The following CHMP6 variants were observed in gnomAD, a reference collection of about 807,000 sequenced individuals.
CHMP6 encodes chromatin-modifying protein 6.
CHMP6 carries 10 observed loss-of-function variants against 32.8 expected under a neutral mutation model. The observed-to-expected ratio is 0.30, with a 90% CI of 0.19 to 0.52. The LOEUF (loss-of-function observed/expected upper bound fraction) is 0.52, where lower values mean the gene tolerates loss of function less well. CHMP6 is among the 20% of genes least tolerant of loss of function. The probability of loss-of-function intolerance (pLI) is 0.97; values close to 1 mark genes in which losing one functional copy is unlikely to be tolerated. For synonymous variants in CHMP6, 123 were observed against 105.8 expected, an observed-to-expected ratio of 1.16 and a Z score of -1.00; for missense variants, 269 against 263.8, an observed-to-expected ratio of 1.02 and a Z score of -0.14.
chr17:80,999,014 G>A, intron 7 of CHMP6, 84 bp from the exon 8 acceptor site: 2 of 1,530,962 alleles, frequency 1.3e-6, no homozygotes, highest in Non-Finnish European at 9.0e-7. Context: ...ACTGGCCCTT[G>A]CCACCCCTGT....
intron 1 of CHMP6, among the ~76,000 whole-genome samples, chr17:80,992,912 TG>T (rs1437017718): frequency 3.3e-5 from 5 of 152,302 alleles, no homozygotes; most frequent in South Asian, 4.1e-4. Flanking sequence ...CGAATGTAAA[TG>T]AAAGAGGGAA....
intron 7 of CHMP6, 110 bp downstream of exon 7, chr17:80,998,530 C>T: frequency 6.3e-7 from 1 of 1,586,756 alleles, no homozygotes; most frequent in South Asian, 1.1e-5. Context: ...GTGGGCAAGC[C>T]CTGCTGCCTG....
rs542146930 is a variant in CHMP6, at chr17:80,999,694, C to G, written c.*541C>G. ...CTCTCTGTGCCTCTGCCTCCGCACC[C>G]TAGACACCCACCTCCAGTTTGAAGG... On this transcript the variant is annotated 3_prime_UTR_variant, in exon 8 of 8. Coordinates refer to ENST00000325167, the MANE Select transcript of CHMP6 (RefSeq NM_024591.5). 6.5e-6 allele frequency: 1 copy of G among 153,104 alleles called. No individual in the cohort carries two copies. The highest frequency in any genetic ancestry group is 6.5e-5 in the Admixed American group (1 of 15,358). The allele number at this position is 153,104 out of a possible 1,614,324, so 9.5% of individuals were successfully genotyped here.
At position 80,999,238 on chromosome 17, in the gene CHMP6, G is replaced by A; in HGVS notation, c.*85G>A. On this transcript the variant is annotated 3_prime_UTR_variant, in exon 8 of 8. Coordinates refer to ENST00000325167, the MANE Select transcript of CHMP6 (RefSeq NM_024591.5). ...TTGGGTCACGGCCAGCCCCTGACCG[G>A]GTTCCCTGGAGCCCAGTGCGCACGG... The A allele has an allele frequency of 6.6e-7, 1 of 1,520,844 alleles. No homozygotes were observed. The highest frequency in any genetic ancestry group is 1.4e-5 in the African/African-American group (1 of 73,082). 94.2% of individuals were successfully genotyped at this position (1,520,844 alleles called of 1,614,324 possible). A position where few individuals can be genotyped will look rare whatever the true frequency, so the allele number is the denominator to read the frequency against.
chr17:80,994,449 C>T lies in CHMP6; in HGVS notation c.64-132C>T, dbSNP rs960350926. The T allele has an allele frequency of 6.2e-5, 41 of 663,754 alleles. No homozygotes were observed. The Admixed American group carries it at 6.3e-4, about 10-fold the overall frequency. The allele number at this position is 663,754 out of a possible 1,614,324, so 41.1% of individuals were successfully genotyped here. Reference sequence around the variant, plus strand: ...GACGTGTCCAGACAGCACCACCTGTCCCCTGGAAGGCAACCCTGCCCCATG... The same window carrying T: ...GACGTGTCCAGACAGCACCACCTGTTCCCTGGAAGGCAACCCTGCCCCATG... On this transcript the variant is annotated intron_variant, in intron 1 of 7. Coordinates refer to ENST00000325167, the MANE Select transcript of CHMP6 (RefSeq NM_024591.5).
At chr17:80,995,164 G>A (rs1011944713) in intron 3 of CHMP6, 58 bp downstream of exon 3, 48 of 1,487,058 alleles carry the variant, frequency 3.2e-5, no homozygotes, top group South Asian at 1.1e-4. Context: ...AGCTCCGCCC[G>A]GCTGCGTGGA....
At chr17:80,997,687 C>T (rs1051114255) in intron 6 of CHMP6, among the ~76,000 whole-genome samples, 4 of 152,154 alleles carry the variant, frequency 2.6e-5, no homozygotes, top group Non-Finnish European at 5.9e-5. Flanking sequence ...GCGGGGGCCG[C>T]GTCCTGGCCC....
rs866935455 is a variant in CHMP6, at chr17:80,991,941, A to G, written c.23A>G (p.Lys8Arg). Residue 8 changes from lysine (K) to arginine (R), a missense_variant, in exon 1 of 8, where the codon AAG becomes AGG. Transcript: ENST00000325167. MGNLFGRKKQSRVTEQDK... is the reference protein window; with the variant it reads MGNLFGRRKQSRVTEQDK... Reference sequence around the variant, plus strand: ...GCCATGGGTAACCTGTTCGGCCGCAAGAAGCAGAGCCGCGTCACGGAGCAG... The same window carrying G: ...GCCATGGGTAACCTGTTCGGCCGCAGGAAGCAGAGCCGCGTCACGGAGCAG... 8 of 1,467,996 alleles carry G rather than the reference A, an allele frequency of 5.4e-6. No homozygotes were observed. In the African/African-American group the frequency reaches 7.3e-5, roughly 13 times the overall value. The allele number at this position is 1,467,996 out of a possible 1,614,324, so 90.9% of individuals were successfully genotyped here.
rs913000819 is a variant in CHMP6, at chr17:80,997,353, C to A, written c.495+12C>A. 5 of 1,609,978 alleles carry A rather than the reference C, an allele frequency of 3.1e-6. No homozygotes were observed. Among genetic ancestry groups the A allele is most frequent in the Non-Finnish European group, 4.2e-6 (5 of 1,177,924 alleles). On this transcript the variant is annotated intron_variant, in intron 6 of 7. Coordinates refer to ENST00000325167, the MANE Select transcript of CHMP6 (RefSeq NM_024591.5). ...GCGCAATCACTCAGGTAACGGCCCC[C>A]CCGGGACTGAGCACAGTCACTCAGG...
At position 80,995,064 on chromosome 17, in the gene CHMP6, C is replaced by G. The variant is rs1291180279; in HGVS notation, c.219C>G (p.Leu73=). 6.2e-7 allele frequency: 1 copy of G among 1,603,310 alleles called. No individual in the cohort carries two copies. The highest frequency in any genetic ancestry group is 1.7e-5 in the Admixed American group (1 of 58,122). The change falls in exon 3 of 8, where the codon CTC becomes CTG. Residue 73 remains leucine (L), a synonymous_variant. Coordinates refer to ENST00000325167, the MANE Select transcript of CHMP6 (RefSeq NM_024591.5). ...AGAAGAAGCGATACCAGGAGCAGCT[C>G]CTGGACAGGACGGAGAACCAGATCA... ...LLKKKRYQEQ[L]LDRTENQISS...
Position 80,997,251 on chromosome 17 carries a change from C to G in CHMP6, c.415-10C>G. Reference sequence around the variant, plus strand: ...CCTCGCTGCTCTCACCACCGCCTGTCCTTTTGCAGCAAATAGACGAGCTCC... The same window carrying G: ...CCTCGCTGCTCTCACCACCGCCTGTGCTTTTGCAGCAAATAGACGAGCTCC... On this transcript the variant is annotated splice_polypyrimidine_tract_variant and intron_variant, in intron 5 of 7. Coordinates refer to ENST00000325167, the MANE Select transcript of CHMP6 (RefSeq NM_024591.5). The G allele has an allele frequency of 1.3e-6, 2 of 1,589,486 alleles. No homozygotes were observed. Among genetic ancestry groups the G allele is most frequent in the Non-Finnish European group, 1.7e-6 (2 of 1,165,210 alleles).
chr17:80,993,571 T>A (rs1208264882), intron 1 of CHMP6, among the ~76,000 whole-genome samples: 2 of 152,242 alleles, frequency 1.3e-5, no homozygotes, highest in Non-Finnish European at 2.9e-5. Context: ...CTGACTGAGC[T>A]AATTCTCCTC....
At chr17:80,998,127 G>A (rs1055609995) in intron 6 of CHMP6, among the ~76,000 whole-genome samples, 4 of 152,172 alleles carry the variant, frequency 2.6e-5, no homozygotes, top group South Asian at 2.1e-4. Flanking sequence ...GCCCCTCAGC[G>A]CCCCAGGGTC....
chr17:80,992,209 G>C (rs1191237509), intron 1 of CHMP6, among the ~76,000 whole-genome samples: 1 of 151,474 alleles, frequency 6.6e-6, no homozygotes, highest in East Asian at 1.9e-4. Context: ...GTCTTCCCCG[G>C]GGCCCGCGCG....
In CHMP6 at chr17:80,999,265, G is replaced by T. The variant is rs2069665620; in HGVS notation, c.*112G>T. 6.7e-6 allele frequency: 8 copies of T among 1,196,300 alleles called. No individual in the cohort carries two copies. The South Asian group carries it at 1.0e-4, about 15-fold the overall frequency. 74.1% of individuals were successfully genotyped at this position (1,196,300 alleles called of 1,614,324 possible). A position where few individuals can be genotyped will look rare whatever the true frequency, so the allele number is the denominator to read the frequency against. ...TTCCCTGGAGCCCAGTGCGCACGGT[G>T]CTGAGCAGAGCTGCAGCCACGCAGG... On this transcript the variant is annotated 3_prime_UTR_variant, in exon 8 of 8. Coordinates refer to ENST00000325167, the MANE Select transcript of CHMP6 (RefSeq NM_024591.5).
At chr17:80,992,372 G>C (rs2069600216) in intron 1 of CHMP6, among the ~76,000 whole-genome samples, 1 of 140,270 alleles carries the variant, frequency 7.1e-6, no homozygotes, top group Non-Finnish European at 1.5e-5. Flanking sequence ...AGCAGGTCCC[G>C]GCTCTCCCGG....
chr17:80,998,482 A>C, intron 7 of CHMP6, 62 bp downstream of exon 7: 1 of 1,612,906 alleles, frequency 6.2e-7, no homozygotes, highest in East Asian at 2.2e-5. Flanking sequence ...GGATTCTAGA[A>C]GGGAACAAGA....
intron 2 of CHMP6, 73 bp downstream of exon 2, chr17:80,994,763 C>A (rs1482671309): frequency 1.4e-5 from 6 of 423,068 alleles, no homozygotes. Flanking sequence ...GGCACCCTGT[C>A]GGCTGGGGTG....
rs1041941103 is a variant in CHMP6, at chr17:80,991,897, C to T, written c.-22C>T. ...GGTGGCGATTGGACTTGGTGGGTCC[C>T]GGGCCAGGGGCGGGCGCCGCCATGG... is the stretch of plus-strand genomic sequence containing the variant. On this transcript the variant is annotated 5_prime_UTR_variant, in exon 1 of 8. Coordinates refer to ENST00000325167, the MANE Select transcript of CHMP6 (RefSeq NM_024591.5). The T allele has an allele frequency of 9.7e-6, 14 of 1,442,822 alleles. No individual in the cohort carries two copies. Among genetic ancestry groups the T allele is most frequent in the Non-Finnish European group, 1.3e-5 (14 of 1,089,524 alleles). The allele number at this position is 1,442,822 out of a possible 1,614,324, so 89.4% of individuals were successfully genotyped here.
Sources: gnomAD v4.1 joint callset for allele counts (sites outside exome capture counted in the v4.1 genomes callset) on GRCh38, gnomAD v4.1.1 for gene constraint, MANE v1.5 for transcripts, NCBI Gene and HGNC (gene_info 2026-07-23, HGNC 2026-07-21) for gene names.